TENM2: variants seen among roughly 807,000 people sequenced by gnomAD.
TENM2 encodes teneurin-2.
A neutral mutation model predicts 245.2 loss-of-function variants in TENM2; 52 were observed. That is an observed-to-expected ratio of 0.21 (90% CI 0.17 to 0.27). TENM2 has a LOEUF of 0.27. Among genes scored for constraint, TENM2 ranks in the 10% least tolerant of loss-of-function variants. TENM2 has a pLI of 1.00. For synonymous variants in TENM2, 1,363 were observed against 1,438.9 expected, an observed-to-expected ratio of 0.95 and a Z score of 1.19; for missense variants, 3,046 against 3,666.8, an observed-to-expected ratio of 0.83 and a Z score of 4.37.
At chr5:167,273,306 G>A in the TENM2 span, among the ~76,000 whole-genome samples, 1 of 152,148 alleles carries the variant, frequency 6.6e-6, no homozygotes, top group African/African-American at 2.4e-5. Context: ...CAGAGGTATT[G>A]CCATCCGGTG....
At chr5:166,986,524 T>C in the TENM2 span, among the ~76,000 whole-genome samples, 15 of 152,282 alleles carry the variant, frequency 9.9e-5, no homozygotes, top group South Asian at 1.0e-3. Context: ...TTATAAGAAG[T>C]GTATCTTATT....
At chr5:167,232,708 ATTTC>A in the TENM2 span, among the ~76,000 whole-genome samples, 2 of 152,100 alleles carry the variant, frequency 1.3e-5, no homozygotes, top group Admixed American at 6.5e-5. Flanking sequence ...AGTCTTGGGT[ATTTC>A]TTCACAGCGG....
At chr5:168,120,534 G>C (rs920693984) in intron 10 of TENM2, among the ~76,000 whole-genome samples, 2 of 152,202 alleles carry the variant, frequency 1.3e-5, no homozygotes, top group Non-Finnish European at 2.9e-5. Context: ...ATACACAGCT[G>C]TATGCATGGA....
At chr5:167,382,701 A>C (rs1761163559) in intron 2 of TENM2, among the ~76,000 whole-genome samples, 1 of 152,170 alleles carries the variant, frequency 6.6e-6, no homozygotes, top group South Asian at 2.1e-4. Flanking sequence ...ACACCATGGC[A>C]GTCTTTCCAT....
At chr5:168,090,215 CCA>C (rs1157467881) in intron 7 of TENM2, among the ~76,000 whole-genome samples, 3 of 123,268 alleles carry the variant, frequency 2.4e-5, no homozygotes, top group African/African-American at 9.7e-5. Flanking sequence ...ACCACTCCCC[CCA>C]CCACACACAC....
intron 3 of TENM2, among the ~76,000 whole-genome samples, chr5:167,911,736 A>G (rs1776573198): frequency 6.6e-6 from 1 of 152,192 alleles, no homozygotes; most frequent in Non-Finnish European, 1.5e-5. Context: ...TATTGGTGTT[A>G]GCTGTGTGCC....
chr5:167,492,551 T>G (rs911038432), intron 2 of TENM2, among the ~76,000 whole-genome samples: 1 of 152,116 alleles, frequency 6.6e-6, no homozygotes, highest in Non-Finnish European at 1.5e-5. Context: ...TTCTGTAGTT[T>G]TATAGAATTT....
intron 1 of TENM2, among the ~76,000 whole-genome samples, chr5:167,310,626 A>C (rs1304423769): frequency 6.6e-6 from 1 of 152,008 alleles, no homozygotes. Context: ...AATAAAACAA[A>C]AACAAAAAAC....
intron 2 of TENM2, among the ~76,000 whole-genome samples, chr5:167,439,980 C>T (rs1764788567): frequency 6.6e-6 from 1 of 151,970 alleles, no homozygotes; most frequent in South Asian, 2.1e-4. Context: ...AACTGTTGAC[C>T]ATCTCTTGTA....
intron 1 of TENM2, chr5:167,309,725 G>A (rs528068155): frequency 1.3e-5 from 2 of 152,300 alleles, no homozygotes; most frequent in East Asian, 3.9e-4. Flanking sequence ...CAGATGCTAA[G>A]AAGGTAGTCC....
At chr5:167,354,473 A>G (rs1428154846) in intron 1 of TENM2, among the ~76,000 whole-genome samples, 1 of 142,792 alleles carries the variant, frequency 7.0e-6, no homozygotes, top group Non-Finnish European at 1.6e-5. Flanking sequence ...TATATTCTCT[A>G]CAAGCTTTCC....
chr5:167,052,034 TA>T, the TENM2 span, among the ~76,000 whole-genome samples: 2 of 152,214 alleles, frequency 1.3e-5, no homozygotes. Flanking sequence ...TTCTATTTTG[TA>T]GTATAAGCAA....
chr5:168,108,445 T>C (rs1360082074), intron 9 of TENM2, among the ~76,000 whole-genome samples: 1 of 152,194 alleles, frequency 6.6e-6, no homozygotes, highest in Non-Finnish European at 1.5e-5. Context: ...AACAGCCATA[T>C]TACCTATTAC....
At chr5:168,226,447 A>G (rs1204398747) in intron 24 of TENM2, among the ~76,000 whole-genome samples, 184 bp downstream of exon 26, 1 of 152,152 alleles carries the variant, frequency 6.6e-6, no homozygotes, top group Non-Finnish European at 1.5e-5. Flanking sequence ...AAATGACTTA[A>G]TCAGATAGAA....
intron 1 of TENM2, among the ~76,000 whole-genome samples, chr5:167,289,158 A>G (rs1479604366): frequency 6.6e-6 from 1 of 152,154 alleles, no homozygotes; most frequent in Non-Finnish European, 1.5e-5. Context: ...GACTGTAGGG[A>G]TGTGTACTGG....
the TENM2 span, among the ~76,000 whole-genome samples, chr5:167,160,944 G>A: frequency 6.6e-6 from 1 of 152,128 alleles, no homozygotes; most frequent in Non-Finnish European, 1.5e-5. Context: ...ATCAAAGCTG[G>A]GGATTTTAAA....
chr5:167,675,796 T>C (rs376879608), intron 2 of TENM2, among the ~76,000 whole-genome samples: 2 of 152,092 alleles, frequency 1.3e-5, no homozygotes, highest in South Asian at 4.1e-4. Context: ...GCAATTGTTA[T>C]GTTAAGTCAG....
At chr5:167,210,023 G>C in the TENM2 span, among the ~76,000 whole-genome samples, 1 of 152,192 alleles carries the variant, frequency 6.6e-6, no homozygotes, top group Non-Finnish European at 1.5e-5. Flanking sequence ...CCTGTGAACA[G>C]TACAGTGCTA....
At chr5:167,565,054 A>G (rs188547637) in intron 2 of TENM2, among the ~76,000 whole-genome samples, 253 of 152,398 alleles carry the variant, frequency 1.7e-3, no homozygotes, top group Middle Eastern at 0.014. Context: ...GAGGCGCTAC[A>G]AAATCCAGAA....
Sources: gnomAD v4.1 joint callset for allele counts (sites outside exome capture counted in the v4.1 genomes callset) on GRCh38, gnomAD v4.1.1 for gene constraint, MANE v1.5 for transcripts, NCBI Gene and HGNC (gene_info 2026-07-23, HGNC 2026-07-21) for gene names.